PIGR: variants seen among roughly 807,000 people sequenced by gnomAD.
PIGR encodes polymeric immunoglobulin receptor.
PIGR carries 22 observed loss-of-function variants against 69.5 expected under a neutral mutation model. The observed-to-expected ratio is 0.32, with a 90% CI of 0.23 to 0.45. The LOEUF is 0.45. PIGR is among the 20% of genes least tolerant of loss of function. The pLI, the probability that PIGR is intolerant of heterozygous loss-of-function variation, is 1.00. For synonymous variants in PIGR, 413 were observed against 407.6 expected (o/e 1.01, Z -0.16); for missense variants, 885 against 974.0 (o/e 0.91, Z 1.22).
chr1:206,936,905 C>T (rs1195941891), intron 4 of PIGR, among the ~76,000 whole-genome samples, 190 bp downstream of exon 4: 1 of 152,210 alleles, frequency 6.6e-6, no homozygotes, highest in African/African-American at 2.4e-5. Flanking sequence ...TAGGAGCTGC[C>T]ATCAGGCAGA....
intron 1 of PIGR, among the ~76,000 whole-genome samples, chr1:206,943,702 G>T (rs1307185524): frequency 6.6e-6 from 1 of 152,184 alleles, no homozygotes; most frequent in Non-Finnish European, 1.5e-5. Flanking sequence ...GAGGAAGAAA[G>T]GTCCCCTGGA....
intron 1 of PIGR, among the ~76,000 whole-genome samples, chr1:206,943,360 G>A (rs976999914): frequency 3.9e-5 from 6 of 152,126 alleles, no homozygotes; most frequent in Non-Finnish European, 8.8e-5. Flanking sequence ...AATGAGCAAA[G>A]GGACCTGCTT....
intron 1 of PIGR, among the ~76,000 whole-genome samples, chr1:206,943,169 G>A (rs763048497): frequency 2.0e-5 from 3 of 152,142 alleles, no homozygotes; most frequent in East Asian, 3.8e-4. Flanking sequence ...CACCTGCTAC[G>A]TGCCAAATGC....
At chr1:206,945,120 C>T (rs1220205297) in intron 1 of PIGR, among the ~76,000 whole-genome samples, 2 of 152,316 alleles carry the variant, frequency 1.3e-5, no homozygotes, top group East Asian at 3.9e-4. Context: ...CTTTCTGCTA[C>T]TTTAGCACAT....
In PIGR at chr1:206,946,407, G is replaced by T. The variant is rs1307109742; in HGVS notation, c.-125C>A. 1 of 152,276 alleles carries T rather than the reference G, an allele frequency of 6.6e-6. No individual in the cohort carries two copies. Among genetic ancestry groups the T allele is most frequent in the East Asian group, 1.9e-4 (1 of 5,196 alleles). The allele number at this position is 152,276 out of a possible 1,614,324, so 9.4% of individuals were successfully genotyped here. On this transcript the variant is annotated 5_prime_UTR_variant, in exon 1 of 11. Coordinates refer to ENST00000356495, the MANE Select transcript of PIGR (RefSeq NM_002644.4). ...GCCTGCTGGCCAGTTGGTAACCCCT[G>T]CCTCTCTAGGAGCTACTGGCAGGGC...
intron 1 of PIGR, among the ~76,000 whole-genome samples, chr1:206,942,422 C>T (rs574817815): frequency 6.6e-6 from 1 of 152,364 alleles, no homozygotes; most frequent in East Asian, 1.9e-4. Flanking sequence ...GGGCTGGCTG[C>T]AAAGTCCTGG....
chr1:206,936,508 A>G lies in PIGR; in HGVS notation c.1045+587T>C, dbSNP rs115193887. Reference sequence around the variant, plus strand: ...TGGTTTGCTGCTTCTCACGAGGGCAACTCTATGCAGGGTGCTCTGGGATGA... The same window carrying G: ...TGGTTTGCTGCTTCTCACGAGGGCAGCTCTATGCAGGGTGCTCTGGGATGA... On this transcript the variant is annotated intron_variant, in intron 4 of 10. Transcript: ENST00000356495. Among the ~76,000 whole-genome samples, 522 of 152,186 alleles carry G rather than the reference A, an allele frequency of 3.4e-3. 7 individuals carry two copies. Among genetic ancestry groups the G allele is most frequent in the African/African-American group, 0.012 (504 of 41,518 alleles).
At chr1:206,931,277 T>C in intron 10 of PIGR, 1 of 985,466 alleles carries the variant, frequency 1.0e-6, no homozygotes, top group Non-Finnish European at 1.2e-6. Context: ...CCTAATCATA[T>C]AGCTCACCTC....
In PIGR at chr1:206,930,757, T is replaced by C; in HGVS notation, c.2200-344A>G. On this transcript the variant is annotated intron_variant, in intron 10 of 10. Transcript: ENST00000356495. This position sits in a 1 kb window ranked among gnomAD's most constrained non-coding sequence, Gnocchi z 4.3. Reference sequence around the variant, plus strand: ...TCAACCACGGTGGTGTATGTTTTTCTTTCTCCACCAGCCCAGACAGGTAGC... The same window carrying C: ...TCAACCACGGTGGTGTATGTTTTTCCTTCTCCACCAGCCCAGACAGGTAGC... 2 of 985,396 alleles carry C rather than the reference T, an allele frequency of 2.0e-6. No homozygotes were observed. Among genetic ancestry groups the C allele is most frequent in the African/African-American group, 3.5e-5 (2 of 57,350 alleles). The allele number at this position is 985,396 out of a possible 1,614,324, so 61.0% of individuals were successfully genotyped here.
rs202131581 is a variant in PIGR, at chr1:206,935,478, A to C, written c.1378+8T>G. 2 of 1,600,832 alleles carry C rather than the reference A, an allele frequency of 1.2e-6. No individual in the cohort carries two copies. The highest frequency in any genetic ancestry group is 8.5e-7 in the Non-Finnish European group (1 of 1,169,952). On this transcript the variant is annotated splice_region_variant and intron_variant, in intron 5 of 10. Coordinates refer to ENST00000356495, the MANE Select transcript of PIGR (RefSeq NM_002644.4). This position sits in a 1 kb window ranked among gnomAD's most constrained non-coding sequence, Gnocchi z 4.4. Reference sequence around the variant, plus strand: ...TTTAGAGCTTTCTCCCTCCCTGTCAACTCCTACCTTCGATAATCTTGATCT... The same window carrying C: ...TTTAGAGCTTTCTCCCTCCCTGTCACCTCCTACCTTCGATAATCTTGATCT...
chr1:206,934,610 G>A lies in PIGR; in HGVS notation c.1515C>T (p.Ala505=), dbSNP rs373830907. The change falls in exon 6 of 11, where the codon GCC becomes GCT. Residue 505 remains alanine, a synonymous_variant. Transcript: ENST00000356495. The part of the protein sequence containing the change: ...WCKWNNTGCQ[A]LPSQDEGPSK... ...TGGGGCCTTCGTCTTGGCTGGGCAG[G>A]GCCTGGCAGCCCGTGTTATTCCACT... is the stretch of plus-strand genomic sequence containing the variant. The A allele has an allele frequency of 9.4e-5, 152 of 1,614,198 alleles. 4 individuals carry two copies. The South Asian group carries it at 1.5e-3, about 16-fold the overall frequency.
chr1:206,934,683 G>T lies in PIGR; in HGVS notation c.1442C>A (p.Pro481His). 6.2e-7 allele frequency: 1 copy of T among 1,613,372 alleles called. No homozygotes were observed. The stretch of plus-strand genomic sequence containing the variant: ...GGAGAATTTGCATGGAAAGTGACAG[G>T]GGACCTTGAGAGTCTCTCCCAGCAC... ...TAVLGETLKV[P>H]CHFPCKFSSY... Residue 481 changes from proline to histidine, a missense_variant, in exon 6 of 11, where the codon CCC becomes CAC. By Grantham distance (77) the Pro-to-His change is moderately conservative (BLOSUM62 -2). Transcript: ENST00000356495.
In PIGR at chr1:206,935,759, C is replaced by A; in HGVS notation, c.1105G>T (p.Val369Leu). Reference protein sequence around the residue: ...VKGVAGGSVAVLCPYNRKESK... With the variant: ...VKGVAGGSVALLCPYNRKESK... ...TCCTTACGGTTGTAGGGGCAGAGCA[C>A]GGCCACAGAGCCTCCTGCCACCCCC... The change falls in exon 5 of 11, where the codon GTG becomes TTG. Residue 369 changes from valine (V) to leucine (L), a missense_variant. Val to Leu is a conservative substitution (Grantham distance 32, BLOSUM62 1). Transcript: ENST00000356495. This position sits in a 1 kb window ranked among gnomAD's most constrained non-coding sequence, Gnocchi z 4.4. The A allele has an allele frequency of 6.2e-7, 1 of 1,613,636 alleles. No individual in the cohort carries two copies. Among genetic ancestry groups the A allele is most frequent in the Non-Finnish European group, 8.5e-7 (1 of 1,179,658 alleles).
intron 3 of PIGR, among the ~76,000 whole-genome samples, chr1:206,937,977 C>T (rs1164688094): frequency 2.0e-5 from 3 of 152,224 alleles, no homozygotes; most frequent in African/African-American, 7.2e-5. Flanking sequence ...TTTCTTGATA[C>T]ATCTGCATCA....
In PIGR at chr1:206,935,862, G is replaced by T; in HGVS notation, c.1046-44C>A. 1.4e-6 allele frequency: 2 copies of T among 1,476,678 alleles called. No homozygotes were observed. The highest frequency in any genetic ancestry group is 2.0e-5 in the Admixed American group (1 of 50,076). The allele number at this position is 1,476,678 out of a possible 1,614,324, so 91.5% of individuals were successfully genotyped here. A position where few individuals can be genotyped will look rare whatever the true frequency, so the allele number is the denominator to read the frequency against. On this transcript the variant is annotated intron_variant, in intron 4 of 10. Coordinates refer to ENST00000356495, the MANE Select transcript of PIGR (RefSeq NM_002644.4). This position sits in a 1 kb window ranked among gnomAD's most constrained non-coding sequence, Gnocchi z 4.4. ...ATGGGATGGGAGGATGGCCACGCAG[G>T]AAGAGCCTTGCGTGGCCTGAGAAGC...
chr1:206,934,550 C>A lies in PIGR; in HGVS notation c.1575G>T (p.Arg525=). 2 of 1,614,264 alleles carry A rather than the reference C, an allele frequency of 1.2e-6. No individual in the cohort carries two copies. Among genetic ancestry groups the A allele is most frequent in the Non-Finnish European group, 1.7e-6 (2 of 1,180,046 alleles). Residue 525 remains arginine (R), a synonymous_variant, in exon 6 of 11, where the codon CGG becomes CGT. Transcript: ENST00000356495. ...KAFVNCDENS[R]LVSLTLNLVT... is the part of the protein sequence containing the mutation. Reference sequence around the variant, plus strand: ...CCAGGTTCAGGGTCAGGGAGACAAGCCGGCTGTTCTCGTCACAGTTCACGA... The same window carrying A: ...CCAGGTTCAGGGTCAGGGAGACAAGACGGCTGTTCTCGTCACAGTTCACGA...
chr1:206,932,336 G>A (rs754043985), intron 8 of PIGR, 120 bp downstream of exon 8: 273 of 1,197,930 alleles, frequency 2.3e-4, no homozygotes, highest in Non-Finnish European at 2.8e-4. Context: ...CTGCTTTCTC[G>A]GGATCCTTTG....
chr1:206,937,105 G>A lies in PIGR; in HGVS notation c.1035C>T (p.Phe345=), dbSNP rs373387196. Residue 345 remains phenylalanine (F), a synonymous_variant, in exon 4 of 11, where the codon TTC becomes TTT. Coordinates refer to ENST00000356495, the MANE Select transcript of PIGR (RefSeq NM_002644.4). ...TCTCTAGGGTCTTACCCTCATTGAC[G>A]AAGAGTTGCCAGGCCTGGATAGGCG... The part of the protein sequence containing the change: ...EGSPIQAWQL[F]VNEESTIPRS... The A allele has an allele frequency of 1.3e-5, 20 of 1,596,376 alleles. No individual in the cohort carries two copies. The highest frequency in any genetic ancestry group is 6.8e-5 in the South Asian group (6 of 87,674).
intron 6 of PIGR, 101 bp downstream of exon 6, chr1:206,934,319 A>G (rs1057131486): frequency 1.9e-6 from 2 of 1,052,838 alleles, no homozygotes; most frequent in East Asian, 2.5e-5. Flanking sequence ...CTTACAGCCA[A>G]ACATAGGGGC....
Sources: gnomAD v4.1 joint callset for allele counts (sites outside exome capture counted in the v4.1 genomes callset) on GRCh38, gnomAD v4.1.1 for gene constraint, Gnocchi (gnomAD v3.1) non-coding constraint, MANE v1.5 for transcripts, NCBI Gene and HGNC (gene_info 2026-07-23, HGNC 2026-07-21) for gene names.